VAC14: variants seen among roughly 807,000 people sequenced by gnomAD.
VAC14 encodes protein VAC14 homolog.
Under a neutral mutation model 85.3 loss-of-function variants are expected in VAC14, and 47 were observed. The ratio of observed to expected loss-of-function variants is 0.55; its 90% CI spans 0.44 to 0.70. The LOEUF is 0.70. Among genes scored for constraint, VAC14 ranks in the 30% least tolerant of loss-of-function variants. The pLI is 0.00. For synonymous variants in VAC14, 447 were observed against 430.5 expected (o/e 1.04, Z -0.47); for missense variants, 861 against 1,004.3 (o/e 0.86, Z 1.93).
chr16:70,731,982 AACTCT>A (rs1187896657), intron 13 of VAC14, among the ~76,000 whole-genome samples: 1 of 152,234 alleles, frequency 6.6e-6, no homozygotes, highest in Non-Finnish European at 1.5e-5. Flanking sequence ...TAAAAAAACA[AACTCT>A]ACTCATTATC....
chr16:70,784,742 T>C (rs756578438), intron 4 of VAC14, 34 bp downstream of exon 4: 2 of 1,591,084 alleles, frequency 1.3e-6, no homozygotes, highest in Non-Finnish European at 1.7e-6. Flanking sequence ...AGAAACAGAT[T>C]GTAGAAATAA....
chr16:70,714,339 C>T (rs1326682962), intron 14 of VAC14: 2 of 152,234 alleles, frequency 1.3e-5, no homozygotes, highest in South Asian at 2.1e-4. Context: ...AGACGGGGCA[C>T]GCAGCTGAAG....
rs957216885 is a variant in VAC14, at chr16:70,800,986, G to A, written c.-86C>T. On this transcript the variant is annotated 5_prime_UTR_variant, in exon 1 of 19. It introduces an in-frame stop codon into an upstream open reading frame of the 5' UTR. Transcript: ENST00000261776. Reference sequence around the variant, plus strand: ...CCAGGGGAGTCTGCGGCTCCGCTCTGCCCCCGGCGCCGGCGCATGGACCAC... The same window carrying A: ...CCAGGGGAGTCTGCGGCTCCGCTCTACCCCCGGCGCCGGCGCATGGACCAC... 11 of 916,148 alleles carry A rather than the reference G, an allele frequency of 1.2e-5. No individual in the cohort carries two copies. The highest frequency in any genetic ancestry group is 1.7e-5 in the Non-Finnish European group (11 of 650,784). The allele number at this position is 916,148 out of a possible 1,614,324, so 56.8% of individuals were successfully genotyped here.
In VAC14 at chr16:70,717,945, G is replaced by A. The variant is rs1426235343; in HGVS notation, c.1661+13550C>T. ...TGGGATTACTGGCATGAGCCACCGC[G>A]CCCGGCCTTGAGTATTCATCTGAAT... is the stretch of plus-strand genomic sequence containing the variant. On this transcript the variant is annotated intron_variant, in intron 14 of 18. Transcript: ENST00000261776. Among the ~76,000 whole-genome samples, 4 of 152,284 alleles carry A rather than the reference G, an allele frequency of 2.6e-5. No individual in the cohort carries two copies. The South Asian group carries it at 6.2e-4, about 24-fold the overall frequency.
At chr16:70,732,684 C>A (rs1427950997) in intron 13 of VAC14, among the ~76,000 whole-genome samples, 3 of 151,684 alleles carry the variant, frequency 2.0e-5, no homozygotes, top group Non-Finnish European at 4.4e-5. Context: ...GGTTTGTTGC[C>A]CAGGCTGGAG....
At chr16:70,736,767 G>A (rs1214030409) in intron 13 of VAC14, among the ~76,000 whole-genome samples, 3 of 152,218 alleles carry the variant, frequency 2.0e-5, no homozygotes, top group African/African-American at 7.2e-5. Flanking sequence ...GTGCTCCCAA[G>A]GCTTAAAGAC....
chr16:70,798,614 T>C (rs1221785568), intron 1 of VAC14, among the ~76,000 whole-genome samples: 7 of 152,106 alleles, frequency 4.6e-5, no homozygotes, highest in African/African-American at 1.2e-4. Context: ...CTGGAGAAGG[T>C]TGGAAACAGA....
At chr16:70,717,010 C>A (rs1033624784) in intron 14 of VAC14, 1 of 152,278 alleles carries the variant, frequency 6.6e-6, no homozygotes, top group South Asian at 2.1e-4. Flanking sequence ...GTAGGGCCTA[C>A]TTCACACTCC....
chr16:70,698,670 C>T lies in VAC14; in HGVS notation c.1803G>A (p.Gln601=), dbSNP rs1350764349. ...TILLTSTELF[Q]LRNQLKDLKT... is the part of the protein sequence containing the mutation. ...TCAGGTCCTTCAGCTGGTTCCTTAGCTGGAAGAGCTCTGTGGAGGTCAGCA... is the reference window on the plus strand; with the variant it reads ...TCAGGTCCTTCAGCTGGTTCCTTAGTTGGAAGAGCTCTGTGGAGGTCAGCA... Residue 601 remains glutamine (Q), a synonymous_variant, in exon 15 of 19, where the codon CAG becomes CAA. Coordinates refer to ENST00000261776, the MANE Select transcript of VAC14 (RefSeq NM_018052.5). The T allele has an allele frequency of 1.2e-5, 19 of 1,614,042 alleles. No homozygotes were observed. The highest frequency in any genetic ancestry group is 1.5e-5 in the Non-Finnish European group (18 of 1,180,006).
intron 12 of VAC14, among the ~76,000 whole-genome samples, chr16:70,750,266 G>A (rs541069786): frequency 1.5e-3 from 231 of 152,358 alleles, no homozygotes; most frequent in Non-Finnish European, 2.9e-3. Context: ...AAGGCTCAAA[G>A]AAAGCGGGAG....
intron 14 of VAC14, among the ~76,000 whole-genome samples, chr16:70,711,280 C>T (rs578105411): frequency 1.3e-4 from 20 of 152,280 alleles, no homozygotes; most frequent in Admixed American, 7.8e-4. Flanking sequence ...CAGGCCTGAT[C>T]GCTTCAGGCA....
At chr16:70,781,798 G>A in intron 8 of VAC14, 71 bp downstream of exon 8, 1 of 1,578,276 alleles carries the variant, frequency 6.3e-7, no homozygotes, top group Non-Finnish European at 8.6e-7. Flanking sequence ...CCAGCCCCCA[G>A]TGCAGGGTCC....
intron 9 of VAC14, among the ~76,000 whole-genome samples, chr16:70,774,430 C>T (rs1462402224): frequency 6.6e-6 from 1 of 152,204 alleles, no homozygotes; most frequent in East Asian, 1.9e-4. Context: ...CTGTTAGCCT[C>T]ATTACTGGTG....
At position 70,786,239 on chromosome 16, in the gene VAC14, G is replaced by C; in HGVS notation, c.231C>G (p.Ala77=). The C allele has an allele frequency of 1.9e-6, 3 of 1,614,216 alleles. No individual in the cohort carries two copies. Among genetic ancestry groups the C allele is most frequent in the Non-Finnish European group, 2.5e-6 (3 of 1,180,034 alleles). ...HSRKGGLIGL[A]ACSIALGKDS... ...CCTTGCCCAGTGCGATGGAGCAGGC[G>C]GCCAGGCCGATGAGGCCCCCTTTCC... is the stretch of plus-strand genomic sequence containing the variant. The change falls in exon 2 of 19, where the codon GCC becomes GCG. Residue 77 remains alanine, a synonymous_variant. Transcript: ENST00000261776.
chr16:70,772,146 T>G lies in VAC14; in HGVS notation c.1123A>C (p.Ser375Arg). The G allele has an allele frequency of 3.1e-6, 5 of 1,614,114 alleles. No homozygotes were observed. Among genetic ancestry groups the G allele is most frequent in the Non-Finnish European group, 3.4e-6 (4 of 1,180,020 alleles). The change falls in exon 10 of 19, where the codon AGC (serine) becomes CGC (arginine). Residue 375 changes from serine to arginine, a missense_variant. Transcript: ENST00000261776. Reference sequence around the variant, plus strand: ...AAGACACTGATGCCGCTACTGAAGCTGGAGTCACAGGAACCATCTGGACCT... The same window carrying G: ...AAGACACTGATGCCGCTACTGAAGCGGGAGTCACAGGAACCATCTGGACCT... ...SGGPDGSCDS[S>R]FSSGISVFTA...
At chr16:70,733,120 T>C (rs2054642522) in intron 13 of VAC14, among the ~76,000 whole-genome samples, 1 of 152,222 alleles carries the variant, frequency 6.6e-6, no homozygotes, top group South Asian at 2.1e-4. Flanking sequence ...AGGAACCCCA[T>C]ACTGATTAGC....
At chr16:70,753,011 G>GTGTGTGTGTGTGTGTGTGTGT (rs1555521573) in intron 12 of VAC14, among the ~76,000 whole-genome samples, 24 of 143,064 alleles carry the variant, frequency 1.7e-4, no homozygotes, top group African/African-American at 6.3e-4. Flanking sequence ...AGGAGGAGGG[G>GTGTGTGTGTGTGTGTGTGTGT]GTGTGTGTGT....
At chr16:70,798,206 C>T (rs773547520) in intron 1 of VAC14, among the ~76,000 whole-genome samples, 11 of 152,166 alleles carry the variant, frequency 7.2e-5, no homozygotes, top group Non-Finnish European at 1.5e-4. Context: ...CCATGCCACG[C>T]AGCCTCTCAG....
chr16:70,765,958 CCTGTCT>C (rs2032774938), intron 10 of VAC14, among the ~76,000 whole-genome samples: 1 of 151,956 alleles, frequency 6.6e-6, no homozygotes, highest in Admixed American at 6.6e-5. Context: ...ACAGCAAGAC[CCTGTCT>C]CTGTGAAAAA....
Sources: gnomAD v4.1 joint callset for allele counts (sites outside exome capture counted in the v4.1 genomes callset) on GRCh38, gnomAD v4.1.1 for gene constraint, MANE v1.5 for transcripts, NCBI Gene and HGNC (gene_info 2026-07-23, HGNC 2026-07-21) for gene names.